Variants in DISP3 observed in about 807,000 individuals in gnomAD.
DISP3 encodes the protein protein dispatched homolog 3.
DISP3 carries 101 observed loss-of-function variants against 135.3 expected under a neutral mutation model. That is an observed-to-expected ratio of 0.75 (90% CI 0.64 to 0.88). DISP3 has a LOEUF of 0.88. Ranked by LOEUF, DISP3 falls within the 40% of genes least tolerant of loss-of-function variation. The pLI is 0.00. For missense variants in DISP3, 1,713 were observed against 1,878.6 expected (o/e 0.91, Z 1.63); for synonymous variants, 856 against 817.0 (o/e 1.05, Z -0.81).
At chr1:11,510,944 G>A (rs943302297) in intron 3 of DISP3, among the ~76,000 whole-genome samples, 4 of 152,196 alleles carry the variant, frequency 2.6e-5, no homozygotes, top group African/African-American at 7.2e-5. Flanking sequence ...TTCTTAGATG[G>A]CGACAGCAAG....
At chr1:11,518,201 G>T (rs1231082542) in intron 7 of DISP3, among the ~76,000 whole-genome samples, 1 of 152,148 alleles carries the variant, frequency 6.6e-6, no homozygotes, top group African/African-American at 2.4e-5. Context: ...AGGGTCTCTG[G>T]GCTTGGAACA....
chr1:11,482,925 G>T (rs954659307), intron 1 of DISP3, among the ~76,000 whole-genome samples: 1 of 152,256 alleles, frequency 6.6e-6, no homozygotes, highest in Non-Finnish European at 1.5e-5. Context: ...AGATTCCAAA[G>T]CATCGAAGCC....
intron 20 of DISP3, among the ~76,000 whole-genome samples, chr1:11,535,868 A>G (rs1354038015): frequency 6.6e-6 from 1 of 152,086 alleles, no homozygotes; most frequent in Non-Finnish European, 1.5e-5. Context: ...GAACAATGAG[A>G]GGGTTGGACA....
chr1:11,494,758 C>T (rs1388836441), intron 1 of DISP3, among the ~76,000 whole-genome samples: 4 of 152,162 alleles, frequency 2.6e-5, no homozygotes, highest in East Asian at 1.9e-4. Flanking sequence ...TCCTAATTGC[C>T]GTTAAATTGT....
At chr1:11,504,920 A>G (rs1641654893) in intron 3 of DISP3, among the ~76,000 whole-genome samples, 1 of 152,224 alleles carries the variant, frequency 6.6e-6, no homozygotes, top group Admixed American at 6.5e-5. Context: ...TCTTCTCCTT[A>G]AGGGAGGCAG....
chr1:11,488,535 A>G (rs1045255442), intron 1 of DISP3, among the ~76,000 whole-genome samples: 3 of 152,110 alleles, frequency 2.0e-5, no homozygotes, highest in Non-Finnish European at 4.4e-5. Flanking sequence ...GGGGAACTTG[A>G]AGGTCAGTCT....
intron 10 of DISP3, among the ~76,000 whole-genome samples, chr1:11,522,860 ACCCAGCCAGAGCCCAGCCAGAG>A (rs1211612036): frequency 8.8e-4 from 46 of 52,348 alleles, no homozygotes; most frequent in South Asian, 3.7e-3. Flanking sequence ...CCCAGCCAGG[ACCCAGCCAGAGCCCAGCCAGAG>A]CCCAGCCAGG....
In DISP3 at chr1:11,535,458, C is replaced by T; in HGVS notation, c.3650-20C>T. ...CCAGGGCGGGGGATCCGAGCTGCCC[C>T]CCCTGCTGTCTCCTTGCAGGCATCG... is the stretch of plus-strand genomic sequence containing the variant. On this transcript the variant is annotated intron_variant, in intron 19 of 20. Transcript: ENST00000294484. The T allele has an allele frequency of 1.3e-6, 2 of 1,592,472 alleles. No homozygotes were observed. Among genetic ancestry groups the T allele is most frequent in the Non-Finnish European group, 1.7e-6 (2 of 1,166,922 alleles).
chr1:11,515,620 G>C, intron 5 of DISP3, 117 bp downstream of exon 5: 1 of 1,411,158 alleles, frequency 7.1e-7, no homozygotes, highest in Non-Finnish European at 9.4e-7. Context: ...CGCCTGCTGA[G>C]GCCTAGAGCC....
In DISP3 at chr1:11,525,121, G is replaced by C. The variant is rs1233124219; in HGVS notation, c.2477-55G>C. ...CTGAGGGTGGGCTGCTCCAGGGTCA[G>C]GAGAAGCCAGTCGAGGTCAAGTCCA... is the stretch of plus-strand genomic sequence containing the variant. On this transcript the variant is annotated intron_variant, in intron 11 of 20. Transcript: ENST00000294484. 9 of 1,601,186 alleles carry C rather than the reference G, an allele frequency of 5.6e-6. No individual in the cohort carries two copies. The South Asian group carries it at 7.7e-5, about 14-fold the overall frequency.
chr1:11,534,279 G>C, intron 17 of DISP3, 102 bp from the exon 18 acceptor site: 1 of 1,396,012 alleles, frequency 7.2e-7, no homozygotes, highest in Non-Finnish European at 1.0e-6. Flanking sequence ...CCCAACACAC[G>C]CACCACTCCA....
At chr1:11,510,469 A>T (rs1454664664) in intron 3 of DISP3, among the ~76,000 whole-genome samples, 3 of 152,032 alleles carry the variant, frequency 2.0e-5, no homozygotes. Context: ...CCTGGCCTTT[A>T]TGTTATTGTG....
chr1:11,481,917 T>C (rs1400115579), intron 1 of DISP3: 1 of 152,252 alleles, frequency 6.6e-6, no homozygotes, highest in Non-Finnish European at 1.5e-5. Flanking sequence ...CTTGAGGTCA[T>C]ACTGCTGAAG....
chr1:11,516,259 A>G lies in DISP3; in HGVS notation c.1749+98A>G. On this transcript the variant is annotated intron_variant, in intron 6 of 20. Coordinates refer to ENST00000294484, the MANE Select transcript of DISP3 (RefSeq NM_020780.2). This position sits in a 1 kb window ranked among gnomAD's most constrained non-coding sequence, Gnocchi z 5.1. ...TTCCCACCACCGCTTGAGTGGCCAT[A>G]TAGCCTTCACCTCAAGGTACTTGCC... The G allele has an allele frequency of 7.0e-7, 1 of 1,428,780 alleles. No homozygotes were observed. The highest frequency in any genetic ancestry group is 9.6e-7 in the Non-Finnish European group (1 of 1,045,884). The allele number at this position is 1,428,780 out of a possible 1,614,324, so 88.5% of individuals were successfully genotyped here. A position where few individuals can be genotyped will look rare whatever the true frequency, so the allele number is the denominator to read the frequency against.
intron 11 of DISP3, 83 bp downstream of exon 11, chr1:11,524,138 T>A: frequency 2.9e-6 from 3 of 1,052,502 alleles, no homozygotes; most frequent in Non-Finnish European, 4.3e-6. Context: ...TAAAATTCCT[T>A]CTGGATTCTC....
At chr1:11,508,107 G>A (rs1641755937) in intron 3 of DISP3, among the ~76,000 whole-genome samples, 1 of 152,130 alleles carries the variant, frequency 6.6e-6, no homozygotes. Flanking sequence ...TATACACTGG[G>A]AAACCCTCAC....
At chr1:11,530,835 G>A (rs1033795438) in intron 15 of DISP3, 72 bp from the exon 16 acceptor site, 29 of 1,582,770 alleles carry the variant, frequency 1.8e-5, no homozygotes, top group Non-Finnish European at 2.4e-5. Context: ...CCCCAGGGTT[G>A]GGGGTGAGCA....
chr1:11,493,444 G>A (rs1641241658), intron 1 of DISP3, among the ~76,000 whole-genome samples: 1 of 152,202 alleles, frequency 6.6e-6, no homozygotes, highest in African/African-American at 2.4e-5. Flanking sequence ...TTATCTGGAG[G>A]CTGGGCTTGG....
Position 11,529,914 on chromosome 1 carries a change from C to A in DISP3, c.3057C>A (p.Gly1019=), listed in dbSNP as rs367612165. Residue 1019 remains glycine, a synonymous_variant, in exon 15 of 21, where the codon GGC becomes GGA. Transcript: ENST00000294484. This position sits in a 1 kb window ranked among gnomAD's most constrained non-coding sequence, Gnocchi z 4.7. ...AMVFVVFGII[G]VNRTRQVDNH... ...TCTTTGTGGTCTTCGGCATTATTGG[C>A]GTCAACCGCACTCGGCAGGTGGACA... The A allele has an allele frequency of 1.2e-6, 2 of 1,613,900 alleles. No homozygotes were observed. Among genetic ancestry groups the A allele is most frequent in the South Asian group, 1.1e-5 (1 of 91,084 alleles).
Sources: allele counts gnomAD v4.1 joint callset (sites outside exome capture counted in the v4.1 genomes callset), GRCh38; gene constraint gnomAD v4.1.1; non-coding constraint Gnocchi (gnomAD v3.1); transcripts MANE v1.5; gene names NCBI Gene and HGNC (gene_info 2026-07-23, HGNC 2026-07-21).